Variants in DRC11 observed in about 807,000 individuals in gnomAD.
DRC11 encodes IQ and AAA domain-containing protein 1.
the DRC11 span, chr2:236,440,960 C>T: frequency 5.7e-5 from 49 of 856,448 alleles, no homozygotes; most frequent in South Asian, 4.6e-4. Context: ...GACCTAATAA[C>T]GCTATAAACT....
the DRC11 span, among the ~76,000 whole-genome samples, chr2:236,354,285 AT>A: frequency 1.8e-5 from 1 of 55,176 alleles, no homozygotes; most frequent in Non-Finnish European, 4.0e-5. Flanking sequence ...GTATGAGTTT[AT>A]GTTAGTGTGT....
the DRC11 span, among the ~76,000 whole-genome samples, chr2:236,460,879 C>T: frequency 0.17 from 26,216 of 152,074 alleles, 2,497 homozygotes; most frequent in Non-Finnish European, 0.22. The surrounding 1 kb of genome is among the most constrained non-coding windows in gnomAD (Gnocchi z 4.0). Flanking sequence ...TTCAACCTCC[C>T]GAGTAGCTGG....
At chr2:236,407,253 CA>C in the DRC11 span, among the ~76,000 whole-genome samples, 5 of 152,186 alleles carry the variant, frequency 3.3e-5, no homozygotes, top group African/African-American at 1.2e-4. Flanking sequence ...ACATTTGTCA[CA>C]AGTTTCTTTG....
the DRC11 span, among the ~76,000 whole-genome samples, chr2:236,491,091 ACT>A: frequency 3.0e-5 from 4 of 133,866 alleles, no homozygotes; most frequent in East Asian, 2.1e-4. Context: ...AAGAATATAT[ACT>A]CTGTGTGTGT....
chr2:236,316,050 T>G, the DRC11 span, among the ~76,000 whole-genome samples: 1 of 152,062 alleles, frequency 6.6e-6, no homozygotes, highest in African/African-American at 2.4e-5. This position sits in a 1 kb window ranked among gnomAD's most constrained non-coding sequence, Gnocchi z 6.8. Flanking sequence ...AATCTTGAGG[T>G]AGGCAAAGAA....
At chr2:236,352,893 C>T in the DRC11 span, among the ~76,000 whole-genome samples, 5 of 152,136 alleles carry the variant, frequency 3.3e-5, no homozygotes, top group Admixed American at 3.3e-4. This position sits in a 1 kb window ranked among gnomAD's most constrained non-coding sequence, Gnocchi z 7.0. Flanking sequence ...AGAATGACTG[C>T]CAGGAGAGGC....
the DRC11 span, among the ~76,000 whole-genome samples, chr2:236,405,334 T>C: frequency 9.2e-5 from 14 of 151,786 alleles, no homozygotes; most frequent in Non-Finnish European, 1.6e-4. The surrounding 1 kb of genome is among the most constrained non-coding windows in gnomAD (Gnocchi z 4.6). Flanking sequence ...CTGTAGTATC[T>C]GCCTTCTCTG....
At chr2:236,491,242 CACAGTATATATATATATATATAT>C in the DRC11 span, among the ~76,000 whole-genome samples, 1 of 63,612 alleles carries the variant, frequency 1.6e-5, no homozygotes, top group South Asian at 4.2e-4. Flanking sequence ...TATATATATA[CACAGTATATATATATATATATAT>C]ATATATACAC....
At chr2:236,456,719 G>C in the DRC11 span, among the ~76,000 whole-genome samples, 27 of 152,194 alleles carry the variant, frequency 1.8e-4, no homozygotes, top group Admixed American at 1.0e-3. This position sits in a 1 kb window ranked among gnomAD's most constrained non-coding sequence, Gnocchi z 5.4. Flanking sequence ...ATGGGAGTGG[G>C]GTAGAGGGTG....
At chr2:236,401,758 G>A in the DRC11 span, among the ~76,000 whole-genome samples, 6 of 151,894 alleles carry the variant, frequency 4.0e-5, no homozygotes, top group South Asian at 2.1e-4. This position sits in a 1 kb window ranked among gnomAD's most constrained non-coding sequence, Gnocchi z 4.6. Context: ...GGGTTGGTGC[G>A]GGGAAGAGAG....
At chr2:236,331,613 A>G in the DRC11 span, 5 of 1,587,422 alleles carry the variant, frequency 3.1e-6, no homozygotes, top group African/African-American at 6.7e-5. The surrounding 1 kb of genome is among the most constrained non-coding windows in gnomAD (Gnocchi z 4.8). Context: ...GTATCCAGAA[A>G]AGACACAGAG....
At chr2:236,309,611 A>G in the DRC11 span, among the ~76,000 whole-genome samples, 1 of 152,240 alleles carries the variant, frequency 6.6e-6, no homozygotes, top group African/African-American at 2.4e-5. The surrounding 1 kb of genome is among the most constrained non-coding windows in gnomAD (Gnocchi z 5.7). Flanking sequence ...GCAAATAAAT[A>G]TACTCATCCA....
the DRC11 span, among the ~76,000 whole-genome samples, chr2:236,459,329 T>C: frequency 2.0e-5 from 3 of 151,876 alleles, no homozygotes; most frequent in South Asian, 2.1e-4. Context: ...AAAAAGATCA[T>C]AATCAATTAA....
At chr2:236,342,677 C>T in the DRC11 span, among the ~76,000 whole-genome samples, 7 of 152,168 alleles carry the variant, frequency 4.6e-5, no homozygotes, top group Non-Finnish European at 8.8e-5. The surrounding 1 kb of genome is among the most constrained non-coding windows in gnomAD (Gnocchi z 5.8). Context: ...GGTTTCCTCC[C>T]CCGCTCCTCT....
the DRC11 span, among the ~76,000 whole-genome samples, chr2:236,398,277 T>A: frequency 6.6e-6 from 1 of 152,226 alleles, no homozygotes; most frequent in African/African-American, 2.4e-5. This position sits in a 1 kb window ranked among gnomAD's most constrained non-coding sequence, Gnocchi z 6.2. Context: ...CAGCATCTCA[T>A]GCAGTGGGGT....
At chr2:236,392,350 T>G in the DRC11 span, 8 of 1,552,194 alleles carry the variant, frequency 5.2e-6, no homozygotes, top group African/African-American at 8.1e-5. This position sits in a 1 kb window ranked among gnomAD's most constrained non-coding sequence, Gnocchi z 5.1. Flanking sequence ...CATCCAGATT[T>G]CTACACTCCA....
the DRC11 span, among the ~76,000 whole-genome samples, chr2:236,475,308 A>G: frequency 1.3e-5 from 2 of 152,164 alleles, no homozygotes; most frequent in African/African-American, 4.8e-5. This position sits in a 1 kb window ranked among gnomAD's most constrained non-coding sequence, Gnocchi z 4.8. Context: ...ACAGGATTTC[A>G]TTACTTTTTA....
the DRC11 span, among the ~76,000 whole-genome samples, chr2:236,364,650 G>T: frequency 2.6e-5 from 4 of 152,178 alleles, no homozygotes; most frequent in African/African-American, 9.7e-5. Context: ...GGCCTCAGGT[G>T]TGGGTATTCT....
the DRC11 span, chr2:236,408,725 C>T: frequency 2.6e-5 from 18 of 703,468 alleles, no homozygotes; most frequent in South Asian, 2.4e-4. The surrounding 1 kb of genome is among the most constrained non-coding windows in gnomAD (Gnocchi z 5.5). Flanking sequence ...TAGAGAAGTG[C>T]TTTTTGCACT....
Sources: allele counts gnomAD v4.1 joint callset (sites outside exome capture counted in the v4.1 genomes callset), GRCh38; gene constraint gnomAD v4.1.1; non-coding constraint Gnocchi (gnomAD v3.1); transcripts MANE v1.5; gene names NCBI Gene and HGNC (gene_info 2026-07-23, HGNC 2026-07-21).